HHIPL1: variants seen among roughly 807,000 people sequenced by gnomAD.
The protein encoded by HHIPL1 is HHIP like 1, also known as HHIP-like protein 1.
Under a neutral mutation model 61.8 loss-of-function variants are expected in HHIPL1, and 43 were observed. That is an observed-to-expected ratio of 0.70 (90% CI 0.55 to 0.90). The LOEUF (loss-of-function observed/expected upper bound fraction) is 0.90. HHIPL1 is among the 40% of genes least tolerant of loss of function. The probability of loss-of-function intolerance (pLI) is 0.00; values close to 1 mark genes in which losing one functional copy is unlikely to be tolerated. For synonymous variants in HHIPL1, 482 were observed against 515.8 expected, an observed-to-expected ratio of 0.93 and a Z score of 0.89; for missense variants, 1,056 against 1,157.7, an observed-to-expected ratio of 0.91 and a Z score of 1.28.
chr14:99,674,917 A>T (rs1448400748), intron 8 of HHIPL1, among the ~76,000 whole-genome samples, 174 bp from the exon 9 acceptor site: 1 of 152,188 alleles, frequency 6.6e-6, no homozygotes, highest in African/African-American at 2.4e-5. Flanking sequence ...CCTGGGAAGC[A>T]CGACTGGGAG....
At chr14:99,647,102 T>C (rs1168418313) in intron 1 of HHIPL1, among the ~76,000 whole-genome samples, 2 of 151,716 alleles carry the variant, frequency 1.3e-5, no homozygotes, top group African/African-American at 4.8e-5. Flanking sequence ...AGCCCAGCGG[T>C]GGTTGAGGTG....
At chr14:99,664,231 C>T (rs994491433) in intron 6 of HHIPL1, among the ~76,000 whole-genome samples, 8 of 152,198 alleles carry the variant, frequency 5.3e-5, no homozygotes, top group African/African-American at 1.9e-4. Flanking sequence ...GAGGGGTGTC[C>T]CCTGCCCGGC....
At chr14:99,641,521 C>T, upstream of HHIPL1, among the ~76,000 whole-genome samples, 1 of 151,886 alleles carries the variant, frequency 6.6e-6, no homozygotes, top group Admixed American at 6.6e-5. Flanking sequence ...TCAAGCAATC[C>T]TCCTGCTTTA....
rs1237691592 is a variant in HHIPL1, at chr14:99,660,986, C to T, written c.1502+580C>T. Among the ~76,000 whole-genome samples, 1 of 152,176 alleles carries T rather than the reference C, an allele frequency of 6.6e-6. No homozygotes were observed. Among genetic ancestry groups the T allele is most frequent in the Non-Finnish European group, 1.5e-5 (1 of 68,028 alleles). ...CCTTGGAGCCTTGCTGCCCTGCCCCCGTGCTCTAGGGCAGCAGTACCACCC... is the reference window on the plus strand; with the variant it reads ...CCTTGGAGCCTTGCTGCCCTGCCCCTGTGCTCTAGGGCAGCAGTACCACCC... On this transcript the variant is annotated intron_variant, in intron 5 of 8. Transcript: ENST00000330710. The surrounding 1 kb of genome is among the most constrained non-coding windows in gnomAD (Gnocchi z 4.9).
chr14:99,659,270 T>G (rs1055595321), intron 3 of HHIPL1, among the ~76,000 whole-genome samples, 158 bp from the exon 4 acceptor site: 1 of 152,188 alleles, frequency 6.6e-6, no homozygotes, highest in Non-Finnish European at 1.5e-5. Flanking sequence ...CTGTAAGTAG[T>G]TAAGGCGGAC....
chr14:99,623,797 A>G, the HHIPL1 span, among the ~76,000 whole-genome samples: 1 of 151,986 alleles, frequency 6.6e-6, no homozygotes, highest in African/African-American at 2.4e-5. Context: ...AGCCTGCTGT[A>G]CCTGTGATTT....
intron 6 of HHIPL1, among the ~76,000 whole-genome samples, chr14:99,665,787 G>T (rs959632437): frequency 6.6e-6 from 1 of 151,862 alleles, no homozygotes; most frequent in Non-Finnish European, 1.5e-5. Context: ...TTTTGTTTTT[G>T]TTTGTTTGTT....
At position 99,672,428 on chromosome 14, in the gene HHIPL1, G is replaced by A. The variant is rs538499178; in HGVS notation, c.1813+29G>A. ...AGTGCCTGCCAGTGGGACACTGAGG[G>A]TTGGGGGAGAGATCCCGCAGCCCAC... On this transcript the variant is annotated intron_variant, in intron 8 of 8. Coordinates refer to ENST00000330710, the MANE Select transcript of HHIPL1 (RefSeq NM_001127258.3). The A allele has an allele frequency of 3.9e-4, 606 of 1,535,870 alleles. 8 individuals carry two copies. In the South Asian group the frequency reaches 6.5e-3, roughly 16 times the overall value.
At chr14:99,671,899 C>T (rs1469726409) in intron 7 of HHIPL1, among the ~76,000 whole-genome samples, 1 of 152,204 alleles carries the variant, frequency 6.6e-6, no homozygotes, top group Admixed American at 6.5e-5. Context: ...GAGAGAGACC[C>T]TCCTCAAAGG....
chr14:99,672,724 T>C (rs961095099), intron 8 of HHIPL1, among the ~76,000 whole-genome samples: 1 of 152,094 alleles, frequency 6.6e-6, no homozygotes, highest in African/African-American at 2.4e-5. Flanking sequence ...GAAGAGTTGT[T>C]TGTGGGAGGG....
intron 3 of HHIPL1, among the ~76,000 whole-genome samples, chr14:99,657,448 G>C (rs113244138): frequency 4.3e-4 from 65 of 152,316 alleles, no homozygotes; most frequent in African/African-American, 1.6e-3. Context: ...GCGAGCCTCA[G>C]GGCAGATGGG....
chr14:99,636,967 T>TG, the HHIPL1 span, among the ~76,000 whole-genome samples: 3 of 84,278 alleles, frequency 3.6e-5, no homozygotes, highest in African/African-American at 1.4e-4. Context: ...AAGATCCTGC[T>TG]GAAAAAAAAA....
chr14:99,652,703 G>A lies in HHIPL1; in HGVS notation c.735G>A (p.Glu245=). The A allele has an allele frequency of 6.2e-7, 1 of 1,614,070 alleles. No homozygotes were observed. The highest frequency in any genetic ancestry group is 8.5e-7 in the Non-Finnish European group (1 of 1,180,038). The change falls in exon 2 of 9, where the codon GAG becomes GAA. Residue 245 remains glutamate, a synonymous_variant. Transcript: ENST00000330710. The stretch of plus-strand genomic sequence containing the variant: ...GGGTGGTGCTCACCTCGCCCTGGGA[G>A]GGTGACGAGCGTGGCTTCCTGGGCA... The part of the protein sequence containing the change: ...ISRVVLTSPW[E]GDERGFLGIA...
At chr14:99,648,989 G>A (rs1467624924) in intron 1 of HHIPL1, among the ~76,000 whole-genome samples, 1 of 152,168 alleles carries the variant, frequency 6.6e-6, no homozygotes, top group Non-Finnish European at 1.5e-5. Flanking sequence ...CTGCGATACT[G>A]GGCTGGTTTC....
At chr14:99,647,653 CG>C (rs2055862994) in intron 1 of HHIPL1, among the ~76,000 whole-genome samples, 1 of 152,188 alleles carries the variant, frequency 6.6e-6, no homozygotes, top group African/African-American at 2.4e-5. Context: ...GTTTCACTGA[CG>C]GGGCCTCCTG....
At chr14:99,610,351 C>T in the HHIPL1 span, among the ~76,000 whole-genome samples, 8 of 152,306 alleles carry the variant, frequency 5.3e-5, no homozygotes, top group East Asian at 1.3e-3. Context: ...TTTTGATGCT[C>T]CTGCAGCCCC....
At chr14:99,673,858 CACCCA>C (rs2056355979) in intron 8 of HHIPL1, among the ~76,000 whole-genome samples, 1 of 80,266 alleles carries the variant, frequency 1.2e-5, no homozygotes, top group Non-Finnish European at 2.3e-5. Flanking sequence ...TTGGGGGATG[CACCCA>C]GGCAGGTTGC....
rs768728552 is a variant in HHIPL1, at chr14:99,652,548, C to T, written c.580C>T (p.Arg194Cys). 23 of 1,612,802 alleles carry T rather than the reference C, an allele frequency of 1.4e-5. No homozygotes were observed. The East Asian group carries it at 2.0e-4, about 14-fold the overall frequency. The change falls in exon 2 of 9, where the codon CGC becomes TGC. Residue 194 changes from arginine to cysteine, a missense_variant. Arg to Cys is a radical substitution (Grantham distance 180). Coordinates refer to ENST00000330710, the MANE Select transcript of HHIPL1 (RefSeq NM_001127258.3). ...CCTGGAGGAGGTGGCCAACGGGCTG[C>T]GCAACCCCGTGGCCATGGTCCATGC... ...LCLEEVANGL[R>C]NPVAMVHARD...
chr14:99,639,042 C>T, the HHIPL1 span, among the ~76,000 whole-genome samples: 1 of 152,366 alleles, frequency 6.6e-6, no homozygotes, highest in South Asian at 2.1e-4. Context: ...CATTCATGTG[C>T]TTATTTGTTC....
Sources: gnomAD v4.1 joint callset for allele counts (sites outside exome capture counted in the v4.1 genomes callset) on GRCh38, gnomAD v4.1.1 for gene constraint, Gnocchi (gnomAD v3.1) non-coding constraint, MANE v1.5 for transcripts, NCBI Gene and HGNC (gene_info 2026-07-23, HGNC 2026-07-21) for gene names.